The following TBC1D8 variants were observed in gnomAD, a reference collection of about 807,000 sequenced individuals.
TBC1D8 encodes TBC1 domain family member 8, also known as BUB2-like protein 1.
A neutral mutation model predicts 118.8 loss-of-function variants in TBC1D8; 65 were observed. The observed-to-expected ratio is 0.55, with a 90% CI of 0.45 to 0.67. The LOEUF (loss-of-function observed/expected upper bound fraction) is 0.67. TBC1D8 is among the 30% of genes least tolerant of loss of function. The pLI is 0.00. For missense variants in TBC1D8, 1,376 were observed against 1,471.2 expected, an observed-to-expected ratio of 0.94 and a Z score of 1.06; for synonymous variants, 566 against 595.8, an observed-to-expected ratio of 0.95 and a Z score of 0.73.
At chr2:101,110,980 CAAAAA>C (rs10708630) in intron 1 of TBC1D8, among the ~76,000 whole-genome samples, 2 of 87,206 alleles carry the variant, frequency 2.3e-5, no homozygotes, top group Non-Finnish European at 2.3e-5. Context: ...AACTCCATCG[CAAAAA>C]AAAAAAAAAA....
chr2:101,008,452 TTC>T (rs1187013210), intron 19 of TBC1D8, among the ~76,000 whole-genome samples, 179 bp from the exon 20 acceptor site: 1 of 152,180 alleles, frequency 6.6e-6, no homozygotes, highest in Non-Finnish European at 1.5e-5. Flanking sequence ...TCCTGGGAAT[TTC>T]AGCACAGACT....
At chr2:101,130,614 C>T (rs375071883) in intron 1 of TBC1D8, among the ~76,000 whole-genome samples, 1 of 152,340 alleles carries the variant, frequency 6.6e-6, no homozygotes, top group African/African-American at 2.4e-5. Context: ...GTGAAAACAG[C>T]ACTAACTGTT....
chr2:101,146,784 C>A (rs1445802059), intron 1 of TBC1D8, among the ~76,000 whole-genome samples: 1 of 152,162 alleles, frequency 6.6e-6, no homozygotes. Flanking sequence ...ACCACAGTCA[C>A]CCTACTGTGC....
chr2:101,101,066 A>G (rs1190898898), intron 1 of TBC1D8, among the ~76,000 whole-genome samples: 1 of 152,236 alleles, frequency 6.6e-6, no homozygotes, highest in Non-Finnish European at 1.5e-5. Flanking sequence ...TAAACTAAAG[A>G]TCTTCTGCAC....
At chr2:101,036,350 TGC>T (rs2105394780) in intron 8 of TBC1D8, among the ~76,000 whole-genome samples, 182 bp from the exon 9 acceptor site, 1 of 152,252 alleles carries the variant, frequency 6.6e-6, no homozygotes, top group Admixed American at 6.5e-5. Flanking sequence ...GCACAGAGGA[TGC>T]AAAGATGAAT....
chr2:101,033,038 C>T (rs905400191), intron 10 of TBC1D8: 1 of 230,690 alleles, frequency 4.3e-6, no homozygotes, highest in Non-Finnish European at 8.7e-6. Context: ...TACGTCTGAG[C>T]TCAAGAGGGG....
chr2:101,073,357 C>T (rs904737748), intron 2 of TBC1D8, among the ~76,000 whole-genome samples: 27 of 149,962 alleles, frequency 1.8e-4, no homozygotes, highest in South Asian at 4.2e-4. Context: ...TGCAGTGCCA[C>T]GATCTCGGCT....
Position 101,037,670 on chromosome 2 carries a change from G to GTC in TBC1D8, c.1312_1313dup (p.Asp438GlufsTer10), listed in dbSNP as rs994485557. 4.3e-6 allele frequency: 7 copies of GTC among 1,613,718 alleles called. No individual in the cohort carries two copies. The highest frequency in any genetic ancestry group is 4.2e-6 in the Non-Finnish European group (5 of 1,179,900). Reference sequence around the variant, plus strand: ...TCATTTCAAGATCCCCAAATCTGTGGTCACTGCACATGCTTGTTGAATGAA... The same window carrying GTC: ...TCATTTCAAGATCCCCAAATCTGTGGTCTCACTGCACATGCTTGTTGAATGAA... On this transcript the variant is annotated frameshift_variant, in exon 8 of 20. Transcript: ENST00000409318. LOFTEE classifies it high-confidence loss of function.
chr2:101,058,078 AT>A (rs941644999), intron 3 of TBC1D8, among the ~76,000 whole-genome samples: 2 of 152,190 alleles, frequency 1.3e-5, no homozygotes, highest in Admixed American at 1.3e-4. Flanking sequence ...ATAGTGCTGA[AT>A]GGGGCCTTTC....
At chr2:101,052,750 A>C (rs1979042) in intron 4 of TBC1D8, among the ~76,000 whole-genome samples, 131,431 of 152,218 alleles carry the variant, frequency 0.86, 57,099 homozygotes, top group African/African-American at 0.95. Flanking sequence ...TAATAAGTGT[A>C]AGAAAACAAT....
rs964195907 is a variant in TBC1D8, at chr2:101,103,548, C to G, written c.128-13184G>C. Among the ~76,000 whole-genome samples, 12 of 152,110 alleles carry G rather than the reference C, an allele frequency of 7.9e-5. No homozygotes were observed. In the East Asian group the frequency reaches 2.1e-3, roughly 27 times the overall value. ...CTGGGATTACAGGCACCCGCCACCA[C>G]GCCCGGCTAATTTTTTTGTATTTTT... On this transcript the variant is annotated intron_variant, in intron 1 of 19. Coordinates refer to ENST00000409318, the MANE Select transcript of TBC1D8 (RefSeq NM_001330348.2).
chr2:101,090,649 C>A (rs1322781663), intron 1 of TBC1D8, among the ~76,000 whole-genome samples: 1 of 152,208 alleles, frequency 6.6e-6, no homozygotes, highest in Non-Finnish European at 1.5e-5. Context: ...AGCTAAGGCA[C>A]TAAGTCCCAG....
chr2:101,085,521 T>C (rs1413726305), intron 2 of TBC1D8, among the ~76,000 whole-genome samples: 3 of 152,122 alleles, frequency 2.0e-5, no homozygotes, highest in Non-Finnish European at 4.4e-5. Flanking sequence ...ATAACACGAG[T>C]TAAAGTCACA....
Position 101,022,308 on chromosome 2 carries a change from C to G in TBC1D8, c.2734G>C (p.Glu912Gln). 2 of 1,612,934 alleles carry G rather than the reference C, an allele frequency of 1.2e-6. No homozygotes were observed. The highest frequency in any genetic ancestry group is 2.2e-5 in the South Asian group (2 of 90,882). ...AGGCAGCTCACAAACGCTTTGAACT[C>G]GATGAGCTGGTCCATGTTGTCATCC... Reference protein sequence around the residue: ...LLDDNMDQLIEFKAFVSCLDI... With the variant: ...LLDDNMDQLIQFKAFVSCLDI... Residue 912 changes from glutamate (E) to glutamine (Q), a missense_variant, in exon 16 of 20, where the codon GAG becomes CAG. Physicochemically the swap from Glu to Gln is conservative, Grantham distance 29. Transcript: ENST00000409318.
At chr2:101,072,375 A>G (rs1436492236) in intron 2 of TBC1D8, among the ~76,000 whole-genome samples, 3 of 152,010 alleles carry the variant, frequency 2.0e-5, no homozygotes, top group African/African-American at 7.3e-5. Flanking sequence ...AGAGAGAAGG[A>G]GAGAGAGAGA....
At chr2:101,126,120 G>A (rs1227263357) in intron 1 of TBC1D8, among the ~76,000 whole-genome samples, 1 of 152,188 alleles carries the variant, frequency 6.6e-6, no homozygotes, top group African/African-American at 2.4e-5. Context: ...CACTCGTGGT[G>A]GAAGGTGAAG....
intron 1 of TBC1D8, among the ~76,000 whole-genome samples, chr2:101,101,286 G>GT (rs1213012773): frequency 6.6e-6 from 1 of 151,880 alleles, no homozygotes; most frequent in East Asian, 1.9e-4. Flanking sequence ...GCCAACAAAC[G>GT]TATGAAAAAA....
intron 8 of TBC1D8, among the ~76,000 whole-genome samples, chr2:101,036,777 G>C (rs1322431913): frequency 6.6e-6 from 1 of 152,170 alleles, no homozygotes; most frequent in Non-Finnish European, 1.5e-5. Context: ...ATTTACATTT[G>C]CTTTTAATTA....
chr2:101,079,680 G>GT (rs35466679), intron 2 of TBC1D8, among the ~76,000 whole-genome samples: 44,614 of 81,998 alleles, frequency 0.54, 13,055 homozygotes, highest in Non-Finnish European at 0.57. Context: ...GTCCAGTCTG[G>GT]TTTTTTTTTT....
Sources: allele counts gnomAD v4.1 joint callset (sites outside exome capture counted in the v4.1 genomes callset), GRCh38; gene constraint gnomAD v4.1.1; transcripts MANE v1.5; gene names NCBI Gene and HGNC (gene_info 2026-07-23, HGNC 2026-07-21).